DIP2A: variants seen among roughly 807,000 people sequenced by gnomAD.
DIP2A encodes disco-interacting protein 2 homolog A.
Under a neutral mutation model 177.4 loss-of-function variants are expected in DIP2A, and 85 were observed. The observed-to-expected ratio is 0.48, with a 90% CI of 0.40 to 0.57. The LOEUF (loss-of-function observed/expected upper bound fraction) is 0.57, where lower values mean the gene tolerates loss of function less well. DIP2A is among the 20% of genes least tolerant of loss of function. The pLI is 0.00. For missense variants in DIP2A, 1,791 were observed against 2,100.2 expected, an observed-to-expected ratio of 0.85 and a Z score of 2.88; for synonymous variants, 886 against 881.8, an observed-to-expected ratio of 1.00 and a Z score of -0.08.
the DIP2A span, among the ~76,000 whole-genome samples, chr21:46,583,035 A>G: frequency 2.8e-4 from 43 of 152,288 alleles, no homozygotes; most frequent in Middle Eastern, 6.8e-3. Context: ...CAAAGATACA[A>G]ATAGACTGAC....
chr21:46,557,005 C>T lies in DIP2A; in HGVS notation c.3565C>T (p.Arg1189Trp), dbSNP rs377101947. The T allele has an allele frequency of 4.4e-6, 7 of 1,601,414 alleles. No individual in the cohort carries two copies. The highest frequency in any genetic ancestry group is 3.4e-5 in the South Asian group (3 of 88,980). Residue 1189 changes from arginine (R) to tryptophan (W), a missense_variant, in exon 30 of 38, where the codon CGG (arginine) becomes TGG (tryptophan). Arg to Trp is a moderately radical substitution (Grantham distance 101). Coordinates refer to ENST00000417564, the MANE Select transcript of DIP2A (RefSeq NM_015151.4). This position sits in a 1 kb window ranked among gnomAD's most constrained non-coding sequence, Gnocchi z 6.0. ...IKLQCELYPSRQIAICLDPYC... is the reference protein window; with the variant it reads ...IKLQCELYPSWQIAICLDPYC... ...GCTGCAGTGTGAGCTGTACCCCTCG[C>T]GGCAGATCGCCATCTGCCTCGACCC... is the stretch of plus-strand genomic sequence containing the variant.
chr21:46,530,421 A>G (rs752738727), intron 9 of DIP2A, among the ~76,000 whole-genome samples: 19 of 152,244 alleles, frequency 1.2e-4, no homozygotes, highest in Non-Finnish European at 2.2e-4. Flanking sequence ...AGTGAGAAAG[A>G]GACAAGAAAA....
chr21:46,565,989 T>G, intron 36 of DIP2A, 102 bp downstream of exon 36: 8 of 1,362,772 alleles, frequency 5.9e-6, no homozygotes, highest in Non-Finnish European at 8.1e-6. Flanking sequence ...CTTGCTGTGG[T>G]CTGGTATTGC....
chr21:46,539,011 T>A (rs549979200), intron 16 of DIP2A: 1 of 168,590 alleles, frequency 5.9e-6, no homozygotes, highest in South Asian at 9.8e-5. Context: ...CCTCCTGGTT[T>A]GCCTGGGTGT....
chr21:46,526,994 A>G (rs1328180563), intron 8 of DIP2A, among the ~76,000 whole-genome samples: 2 of 152,208 alleles, frequency 1.3e-5, no homozygotes, highest in Non-Finnish European at 2.9e-5. Context: ...CCCTTATCAC[A>G]TTAAGGAAGT....
chr21:46,567,621 G>C lies in DIP2A; in HGVS notation c.4715G>C (p.Ter1572SerextTer12). The change falls in exon 38 of 38, where the codon TGA becomes TCA. Residue 1572 changes from the stop codon to serine, a stop_lost. Coordinates refer to ENST00000417564, the MANE Select transcript of DIP2A (RefSeq NM_015151.4). ...CCCATCTATGTCGCCTACAACATGT[G>C]AGCGCAGCACACCGGCCCAGGTGCC... is the stretch of plus-strand genomic sequence containing the variant. ...LDPIYVAYNM* is the reference protein window; with the variant it reads ...LDPIYVAYNMS The C allele has an allele frequency of 6.3e-7, 1 of 1,588,064 alleles. No individual in the cohort carries two copies. Among genetic ancestry groups the C allele is most frequent in the East Asian group, 2.2e-5 (1 of 44,676 alleles).
chr21:46,478,430 T>G (rs577556522), intron 1 of DIP2A, among the ~76,000 whole-genome samples: 32 of 152,064 alleles, frequency 2.1e-4, no homozygotes, highest in African/African-American at 7.7e-4. Context: ...CAGGCTGGTC[T>G]CGAACTCCGG....
intron 18 of DIP2A, 110 bp from the exon 19 acceptor site, chr21:46,545,027 T>G (rs143591571): frequency 9.6e-7 from 1 of 1,044,032 alleles, no homozygotes; most frequent in East Asian, 2.7e-5. Flanking sequence ...GAAGGTGCTG[T>G]GTATATAACA....
chr21:46,462,074 C>T (rs2054368175), intron 1 of DIP2A, among the ~76,000 whole-genome samples: 1 of 152,116 alleles, frequency 6.6e-6, no homozygotes, highest in African/African-American at 2.4e-5. Context: ...GGGAAGACAG[C>T]AGAGAACAGA....
chr21:46,517,368 A>G (rs1276715491), intron 8 of DIP2A, among the ~76,000 whole-genome samples: 1 of 152,024 alleles, frequency 6.6e-6, no homozygotes, highest in Non-Finnish European at 1.5e-5. Flanking sequence ...GTGAGCCACC[A>G]TGCCTGGCCT....
chr21:46,517,212 G>T (rs1403341316), intron 8 of DIP2A, among the ~76,000 whole-genome samples: 1 of 151,580 alleles, frequency 6.6e-6, no homozygotes, highest in Non-Finnish European at 1.5e-5. Flanking sequence ...CAGGTGCACA[G>T]CACTACGCCC....
At chr21:46,575,308 CAACA>C in the DIP2A span, among the ~76,000 whole-genome samples, 1 of 152,112 alleles carries the variant, frequency 6.6e-6, no homozygotes, top group Non-Finnish European at 1.5e-5. Context: ...TGAAAATCCA[CAACA>C]AACATCATAC....
Position 46,557,903 on chromosome 21 carries a change from C to T in DIP2A, c.3798+150C>T. ...TTTCCCACTAGGGGCCCTATGTACACATCTGTCCTCCCACGGCCCACCTGT... is the reference window on the plus strand; with the variant it reads ...TTTCCCACTAGGGGCCCTATGTACATATCTGTCCTCCCACGGCCCACCTGT... On this transcript the variant is annotated intron_variant, in intron 31 of 37. Coordinates refer to ENST00000417564, the MANE Select transcript of DIP2A (RefSeq NM_015151.4). The surrounding 1 kb of genome is among the most constrained non-coding windows in gnomAD (Gnocchi z 6.0). 9.8e-6 allele frequency: 10 copies of T among 1,024,512 alleles called. No homozygotes were observed. Among genetic ancestry groups the T allele is most frequent in the Non-Finnish European group, 1.2e-5 (9 of 721,356 alleles). The allele number at this position is 1,024,512 out of a possible 1,614,324, so 63.5% of individuals were successfully genotyped here.
At chr21:46,486,392 C>A (rs1046239023) in intron 2 of DIP2A, among the ~76,000 whole-genome samples, 31 of 152,154 alleles carry the variant, frequency 2.0e-4, no homozygotes, top group Admixed American at 6.5e-5. Context: ...TGGGGTCTCG[C>A]TATGTTGCCC....
At chr21:46,552,222 G>A (rs1417449630) in intron 25 of DIP2A, among the ~76,000 whole-genome samples, 1 of 152,212 alleles carries the variant, frequency 6.6e-6, no homozygotes, top group Non-Finnish European at 1.5e-5. Context: ...ATTAAAAACA[G>A]TATACATGTA....
At chr21:46,527,919 C>G (rs1253530184) in intron 8 of DIP2A, among the ~76,000 whole-genome samples, 2 of 152,102 alleles carry the variant, frequency 1.3e-5, no homozygotes, top group Non-Finnish European at 2.9e-5. Context: ...GTCGTCCTCT[C>G]TAGACACCCC....
In DIP2A at chr21:46,501,803, A is replaced by G. The variant is rs2057666369; in HGVS notation, c.656-2558A>G. Among the ~76,000 whole-genome samples the G allele has an allele frequency of 2.6e-5, 4 of 152,350 alleles. 1 individual carries two copies. The Middle Eastern group carries it at 0.01, about 389-fold the overall frequency. On this transcript the variant is annotated intron_variant, in intron 5 of 37. Transcript: ENST00000417564. Reference sequence around the variant, plus strand: ...CCTTTTTTTCCATATATACTTTTAAAATCATTTATTCTTTTTGCTAGATTT... The same window carrying G: ...CCTTTTTTTCCATATATACTTTTAAGATCATTTATTCTTTTTGCTAGATTT...
chr21:46,540,983 C>T (rs2059792338), intron 17 of DIP2A, among the ~76,000 whole-genome samples: 1 of 149,744 alleles, frequency 6.7e-6, no homozygotes, highest in Non-Finnish European at 1.5e-5. Flanking sequence ...CCATTGCACT[C>T]CAGCCTGGGC....
In DIP2A at chr21:46,554,262, G is replaced by A. The variant is rs1420122374; in HGVS notation, c.3124G>A (p.Gly1042Arg). 6.2e-7 allele frequency: 1 copy of A among 1,613,812 alleles called. No individual in the cohort carries two copies. Among genetic ancestry groups the A allele is most frequent in the African/African-American group, 1.3e-5 (1 of 74,908 alleles). ...GATGGAGAAGGGAAGACTGAGTGTT[G>A]GGGACCATGTGGCTCTGGTCTACCC... ...ALMEKGRLSVGDHVALVYPPG... is the reference protein window; with the variant it reads ...ALMEKGRLSVRDHVALVYPPG... Residue 1042 changes from glycine (G) to arginine (R), a missense_variant, in exon 26 of 38, where the codon GGG becomes AGG. Physicochemically the swap from Gly to Arg is moderately radical, Grantham distance 125. Transcript: ENST00000417564.
Sources: allele counts gnomAD v4.1 joint callset (sites outside exome capture counted in the v4.1 genomes callset), GRCh38; gene constraint gnomAD v4.1.1; non-coding constraint Gnocchi (gnomAD v3.1); transcripts MANE v1.5; gene names NCBI Gene and HGNC (gene_info 2026-07-23, HGNC 2026-07-21).